Variants in CACNA1A observed in about 807,000 individuals in gnomAD.
The protein encoded by CACNA1A is voltage-dependent P/Q-type calcium channel subunit alpha-1A.
CACNA1A carries 57 observed loss-of-function variants against 262.4 expected under a neutral mutation model. That is an observed-to-expected ratio of 0.22 (90% confidence interval 0.18 to 0.27). The LOEUF (loss-of-function observed/expected upper bound fraction) is 0.27. CACNA1A is among the 10% of genes least tolerant of loss of function. The pLI, the probability that CACNA1A is intolerant of heterozygous loss-of-function variation, is 1.00. For synonymous variants in CACNA1A, 1,431 were observed against 1,419.3 expected, an observed-to-expected ratio of 1.01 and a Z score of -0.18; for missense variants, 2,526 against 3,562.8, an observed-to-expected ratio of 0.71 and a Z score of 7.41.
In CACNA1A at chr19:13,207,400, CG is replaced by C; in HGVS notation, c.7433del (p.Pro2478ArgfsTer130). On this transcript the variant is annotated frameshift_variant, in exon 47 of 47. Coordinates refer to ENST00000360228, the MANE Select transcript of CACNA1A (RefSeq NM_001127222.2). LOFTEE classifies it high-confidence loss of function. The surrounding 1 kb of genome is among the most constrained non-coding windows in gnomAD (Gnocchi z 5.7). ...CGCGGGGCCTGGCCAGTCCGTGCGC[CG>C]GGTAGTAGCCGTTGGGGAGTCGCCG... ...HGRRLPNGYY[P>X]AHGLARPRGP... is the part of the protein sequence containing the mutation. 2.6e-6 allele frequency: 4 copies of C among 1,536,960 alleles called. No individual in the cohort carries two copies. Among genetic ancestry groups the C allele is most frequent in the Non-Finnish European group, 3.5e-6 (4 of 1,147,296 alleles).
chr19:13,282,540 A>G (rs1024433188), intron 22 of CACNA1A, among the ~76,000 whole-genome samples: 2 of 152,020 alleles, frequency 1.3e-5, no homozygotes, highest in Admixed American at 1.3e-4. Context: ...ACAGTAGGTG[A>G]TTAGTAAATG....
At chr19:13,346,700 GA>G (rs2058794277) in intron 6 of CACNA1A, among the ~76,000 whole-genome samples, 1 of 55,146 alleles carries the variant, frequency 1.8e-5, no homozygotes. Context: ...TTTTTTTTGA[GA>G]CAGAGTCTTG....
intron 28 of CACNA1A, chr19:13,256,188 G>C (rs183049957): frequency 3.3e-5 from 5 of 151,774 alleles, no homozygotes; most frequent in African/African-American, 1.2e-4. Context: ...CATAGAGATG[G>C]GGTCTCACTA....
rs1491475435 is a variant in CACNA1A at position 13,212,848 on chromosome 19, A to ACACT, written c.5941-109_5941-108insAGTG. ...AGTATACACACACACACACACACAC[A>ACACT]CTCTCTCAGGTCTCATCCATCTAGA... is the stretch of plus-strand genomic sequence containing the variant. On this transcript the variant is annotated intron_variant, in intron 40 of 46. Transcript: ENST00000360228. This position sits in a 1 kb window ranked among gnomAD's most constrained non-coding sequence, Gnocchi z 5.6. 1.7e-5 allele frequency: 9 copies of ACACT among 542,030 alleles called. No individual in the cohort carries two copies. Among genetic ancestry groups the ACACT allele is most frequent in the East Asian group, 6.0e-5 (2 of 33,226 alleles). The allele number at this position is 542,030 out of a possible 1,614,324, so 33.6% of individuals were successfully genotyped here. A position where few individuals can be genotyped will look rare whatever the true frequency, so the allele number is the denominator to read the frequency against.
chr19:13,412,764 A>T (rs1283665897), intron 3 of CACNA1A, among the ~76,000 whole-genome samples: 1 of 152,220 alleles, frequency 6.6e-6, no homozygotes, highest in East Asian at 1.9e-4. Context: ...GGCGTTAGCC[A>T]CTGCGCCCAG....
intron 26 of CACNA1A, 30 bp from the exon 27 acceptor site, chr19:13,259,731 A>ATGGGAAAGAGGGGC: frequency 6.2e-7 from 1 of 1,607,376 alleles, no homozygotes; most frequent in Non-Finnish European, 8.5e-7. Context: ...CTGTTAGTAA[A>ATGGGAAAGAGGGGC]TGGGAAAGAG....
At chr19:13,292,090 AG>A (rs2057552712) in intron 19 of CACNA1A, among the ~76,000 whole-genome samples, 1 of 152,210 alleles carries the variant, frequency 6.6e-6, no homozygotes, top group East Asian at 1.9e-4. Flanking sequence ...AGGGAGAGGC[AG>A]AAGCTCTGTC....
rs17846910 is a variant in CACNA1A at position 13,359,681 on chromosome 19, G to A, written c.903C>T (p.Phe301=). Residue 301 remains phenylalanine (F), a synonymous_variant, in exon 6 of 47, where the codon TTC becomes TTT. Transcript: ENST00000360228. Reference sequence around the variant, plus strand: ...TCAGCACTGCAAACAGGATGTTGTCGAACTGAGTGATCCCGTTGTTGGGCC... The same window carrying A: ...TCAGCACTGCAAACAGGATGTTGTCAAACTGAGTGATCCCGTTGTTGGGCC... ...WEGPNNGITQ[F]DNILFAVLTV... 95 of 1,606,710 alleles carry A rather than the reference G, an allele frequency of 5.9e-5. No individual in the cohort carries two copies. The highest frequency in any genetic ancestry group is 2.2e-4 in the East Asian group (10 of 44,660).
At chr19:13,489,602 T>C (rs566687203) in intron 1 of CACNA1A, among the ~76,000 whole-genome samples, 79 of 152,328 alleles carry the variant, frequency 5.2e-4, no homozygotes, top group African/African-American at 1.8e-3. Context: ...TCCAAGACTA[T>C]GGCCAAGGGT....
Position 13,332,758 on chromosome 19 carries a change from C to T in CACNA1A, c.1255+111G>A. ...CCTAAAATTCCTCCAAGAGGAACGTCTACCCTCTGCAAGATCCTTAGAACC... is the reference window on the plus strand; with the variant it reads ...CCTAAAATTCCTCCAAGAGGAACGTTTACCCTCTGCAAGATCCTTAGAACC... On this transcript the variant is annotated intron_variant, in intron 9 of 46. Transcript: ENST00000360228. 7.8e-6 allele frequency: 5 copies of T among 638,038 alleles called. No homozygotes were observed. In the South Asian group the frequency reaches 1.0e-4, roughly 13 times the overall value. The allele number at this position is 638,038 out of a possible 1,614,324, so 39.5% of individuals were successfully genotyped here.
chr19:13,310,531 G>GAGAGAA (rs71168698), intron 12 of CACNA1A, among the ~76,000 whole-genome samples: 2 of 111,922 alleles, frequency 1.8e-5, no homozygotes, highest in African/African-American at 6.9e-5. Flanking sequence ...GAGAGAGAGA[G>GAGAGAA]TTTAATTTTG....
At chr19:13,262,664 C>T in intron 25 of CACNA1A, 70 bp downstream of exon 25, 1 of 934,722 alleles carries the variant, frequency 1.1e-6, no homozygotes, top group Non-Finnish European at 1.7e-6. Flanking sequence ...GAGCAGTGTA[C>T]AACCTGCTCA....
At chr19:13,285,739 TC>T (rs1424432325) in intron 20 of CACNA1A, among the ~76,000 whole-genome samples, 2 of 151,902 alleles carry the variant, frequency 1.3e-5, no homozygotes, top group Non-Finnish European at 2.9e-5. Context: ...CTCTGGAGCT[TC>T]CATTCTGCAG....
At chr19:13,223,396 A>G (rs1289932842) in intron 38 of CACNA1A, among the ~76,000 whole-genome samples, 1 of 151,160 alleles carries the variant, frequency 6.6e-6, no homozygotes, top group Non-Finnish European at 1.5e-5. Context: ...GTTTCACCAC[A>G]TTGGCCAGGC....
intron 11 of CACNA1A, among the ~76,000 whole-genome samples, chr19:13,314,173 G>A (rs1023809256): frequency 9.2e-5 from 14 of 152,188 alleles, no homozygotes; most frequent in African/African-American, 1.9e-4. Context: ...TAGGAAGGGC[G>A]TGGGTACTTA....
rs569115027 is a variant in CACNA1A at position 13,317,314 on chromosome 19, G to C, written c.1353C>G (p.Pro451=). 21 of 1,599,050 alleles carry C rather than the reference G, an allele frequency of 1.3e-5. No homozygotes were observed. The South Asian group carries it at 2.2e-4, about 17-fold the overall frequency. Residue 451 remains proline (P), a synonymous_variant, in exon 11 of 47, where the codon CCC becomes CCG. Coordinates refer to ENST00000360228, the MANE Select transcript of CACNA1A (RefSeq NM_001127222.2). The part of the protein sequence containing the change: ...QLADIASVGS[P]FARASIKSAK... Reference sequence around the variant, plus strand: ...CACTTTTAATGCTGGCTCGGGCGAAGGGAGAACCTGCCAGGGAAAAGATGG... The same window carrying C: ...CACTTTTAATGCTGGCTCGGGCGAACGGAGAACCTGCCAGGGAAAAGATGG...
chr19:13,424,761 C>T (rs148745018), intron 3 of CACNA1A, among the ~76,000 whole-genome samples: 2 of 152,096 alleles, frequency 1.3e-5, no homozygotes, highest in Non-Finnish European at 2.9e-5. Context: ...AGGCATAAGT[C>T]ATAGTTCTTG....
At chr19:13,340,315 G>A (rs1203241370) in intron 6 of CACNA1A, among the ~76,000 whole-genome samples, 1 of 152,100 alleles carries the variant, frequency 6.6e-6, no homozygotes, top group Non-Finnish European at 1.5e-5. Flanking sequence ...ACAGACACAC[G>A]TGGAGGCTTG....
intron 22 of CACNA1A, among the ~76,000 whole-genome samples, chr19:13,281,775 G>A (rs1442020170): frequency 2.0e-5 from 3 of 152,250 alleles, no homozygotes; most frequent in Non-Finnish European, 4.4e-5. Context: ...TGGGGCCACA[G>A]TGTTCTTGTA....
Sources: allele counts gnomAD v4.1 joint callset (sites outside exome capture counted in the v4.1 genomes callset), GRCh38; gene constraint gnomAD v4.1.1; non-coding constraint Gnocchi (gnomAD v3.1); transcripts MANE v1.5; gene names NCBI Gene and HGNC (gene_info 2026-07-23, HGNC 2026-07-21).